Variants in SLC12A4 observed in about 807,000 individuals in gnomAD.
The protein encoded by SLC12A4 is solute carrier family 12 member 4, also known as electroneutral potassium-chloride cotransporter 1.
Under a neutral mutation model 119.2 loss-of-function variants are expected in SLC12A4, and 84 were observed. That is an observed-to-expected ratio of 0.70 (90% CI 0.59 to 0.85). The LOEUF (loss-of-function observed/expected upper bound fraction) is 0.85, where lower values mean the gene tolerates loss of function less well. Among genes scored for constraint, SLC12A4 ranks in the 40% least tolerant of loss-of-function variants. SLC12A4 has a pLI of 0.00. For missense variants in SLC12A4, 1,298 were observed against 1,476.3 expected (o/e 0.88, Z 1.98); for synonymous variants, 599 against 604.6 (o/e 0.99, Z 0.14).
At chr16:67,946,790 C>T (rs1166297458) in intron 17 of SLC12A4, 147 bp downstream of exon 17, 1 of 1,228,654 alleles carries the variant, frequency 8.1e-7, no homozygotes, top group Non-Finnish European at 1.1e-6. Flanking sequence ...GATGGGACTG[C>T]TGGCTCCCCC....
intron 2 of SLC12A4, 139 bp from the exon 3 acceptor site, chr16:67,961,845 C>A: frequency 8.9e-7 from 1 of 1,119,696 alleles, no homozygotes; most frequent in South Asian, 1.5e-5. Flanking sequence ...TGGGGAAGTC[C>A]AAGCCATCCA....
Position 67,951,500 on chromosome 16 carries a change from G to T in SLC12A4, c.1133-196C>A. The stretch of plus-strand genomic sequence containing the variant: ...GCCCAGCTAGAAGTCGACAGACAAA[G>T]GTGGCTGAACCACCGTCACCCAGAG... On this transcript the variant is annotated intron_variant, in intron 8 of 23. Transcript: ENST00000316341. The surrounding 1 kb of genome is among the most constrained non-coding windows in gnomAD (Gnocchi z 5.2). 1.5e-6 allele frequency: 1 copy of T among 671,398 alleles called. No individual in the cohort carries two copies. The highest frequency in any genetic ancestry group is 2.5e-6 in the Non-Finnish European group (1 of 403,714). 41.6% of individuals were successfully genotyped at this position (671,398 alleles called of 1,614,324 possible).
In SLC12A4 at chr16:67,946,958, G is replaced by T; in HGVS notation, c.2220C>A (p.Gly740=). The part of the protein sequence containing the change: ...VIQGSFLESY[G]EAQAAEQTIK... Reference sequence around the variant, plus strand: ...GTACCTGCTCGGCGGCCTGAGCCTCGCCATAGCTCTCCAAGAAGCTCCCCT... The same window carrying T: ...GTACCTGCTCGGCGGCCTGAGCCTCTCCATAGCTCTCCAAGAAGCTCCCCT... The change falls in exon 17 of 24, where the codon GGC becomes GGA. Residue 740 remains glycine, a synonymous_variant. Transcript: ENST00000316341. 6.2e-7 allele frequency: 1 copy of T among 1,613,094 alleles called. No individual in the cohort carries two copies. The highest frequency in any genetic ancestry group is 8.5e-7 in the Non-Finnish European group (1 of 1,179,984).
At chr16:67,963,632 TC>T (rs2151339298) in intron 1 of SLC12A4, 73 bp from the exon 2 acceptor site, 1 of 1,170,618 alleles carries the variant, frequency 8.5e-7, no homozygotes, top group Non-Finnish European at 1.2e-6. Flanking sequence ...AGAAAGCCAG[TC>T]CCCAAATCAT....
chr16:67,957,148 G>A (rs1240839437), intron 5 of SLC12A4, among the ~76,000 whole-genome samples: 1 of 149,858 alleles, frequency 6.7e-6, no homozygotes, highest in Admixed American at 6.7e-5. Flanking sequence ...AATTACAAGT[G>A]CCCACCACCA....
At position 67,968,554 on chromosome 16, in the gene SLC12A4, C is replaced by T; in HGVS notation, c.-1G>A. 4 of 1,542,818 alleles carry T rather than the reference C, an allele frequency of 2.6e-6. No individual in the cohort carries two copies. The highest frequency in any genetic ancestry group is 3.5e-6 in the Non-Finnish European group (4 of 1,151,834). ...CTGGCACCACGGTGAAGTGAGGCAT[C>T]GTGCGGGCTCGGCCCCGCCGCACCC... On this transcript the variant is annotated 5_prime_UTR_variant, in exon 1 of 24. Coordinates refer to ENST00000316341, the MANE Select transcript of SLC12A4 (RefSeq NM_005072.5).
intron 3 of SLC12A4, 111 bp from the exon 4 acceptor site, chr16:67,958,155 CAG>C (rs753064721): frequency 3.7e-5 from 41 of 1,102,462 alleles, no homozygotes; most frequent in South Asian, 1.6e-4. Context: ...CCAGGGAACA[CAG>C]AGAGTAGGGG....
rs933110424 is a variant in SLC12A4 at position 67,947,700 on chromosome 16, C to T, written c.1936G>A (p.Gly646Ser). The T allele has an allele frequency of 6.9e-6, 11 of 1,596,358 alleles. No individual in the cohort carries two copies. Among genetic ancestry groups the T allele is most frequent in the East Asian group, 2.3e-5 (1 of 44,178 alleles). The change falls in exon 15 of 24, where the codon GGC (glycine) becomes AGC (serine). Residue 646 changes from glycine to serine, a missense_variant. Physicochemically the swap from Gly to Ser is moderately conservative, Grantham distance 56 (BLOSUM62 0). Transcript: ENST00000316341. ...TACTCGATGTATTTGTAGATCATGC[C>T]GGCGATGAGCATGGCCACCAGGGCA... Reference protein sequence around the residue: ...YYALVAMLIAGMIYKYIEYQG... With the variant: ...YYALVAMLIASMIYKYIEYQG...
chr16:67,944,066 C>G lies in SLC12A4; in HGVS notation c.*774G>C. 1 of 1,548,136 alleles carries G rather than the reference C, an allele frequency of 6.5e-7. No individual in the cohort carries two copies. Among genetic ancestry groups the G allele is most frequent in the Non-Finnish European group, 8.7e-7 (1 of 1,146,364 alleles). ...GAGGGAGCAGCAGCCCCAGCAGCAG[C>G]GTCACCCACTGCCATGGGGAGCCGG... On this transcript the variant is annotated 3_prime_UTR_variant, in exon 24 of 24. Transcript: ENST00000316341. This position sits in a 1 kb window ranked among gnomAD's most constrained non-coding sequence, Gnocchi z 6.6.
chr16:67,958,636 A>G (rs1268058531), intron 3 of SLC12A4, among the ~76,000 whole-genome samples: 1 of 151,904 alleles, frequency 6.6e-6, no homozygotes, highest in East Asian at 1.9e-4. Flanking sequence ...CCCATGCTGA[A>G]AACCCTCTGT....
In SLC12A4 at chr16:67,946,331, C is replaced by A. The variant is rs778427270; in HGVS notation, c.2447G>T (p.Arg816Leu). ...RAWKTFIDTVRCTTAAHLALL... is the reference protein window; with the variant it reads ...RAWKTFIDTVLCTTAAHLALL... ...GGCCAGGTGGGCAGCCGTAGTGCAGCGCACGGTGTCTGGGGAGGAGGAGCA... is the reference window on the plus strand; with the variant it reads ...GGCCAGGTGGGCAGCCGTAGTGCAGAGCACGGTGTCTGGGGAGGAGGAGCA... The change falls in exon 19 of 24, where the codon CGC becomes CTC. Residue 816 changes from arginine to leucine, a missense_variant. By Grantham distance (102) the Arg-to-Leu change is moderately radical. Coordinates refer to ENST00000316341, the MANE Select transcript of SLC12A4 (RefSeq NM_005072.5). The A allele has an allele frequency of 8.7e-6, 14 of 1,609,592 alleles. No individual in the cohort carries two copies. Among genetic ancestry groups the A allele is most frequent in the Non-Finnish European group, 1.2e-5 (14 of 1,180,006 alleles).
At chr16:67,967,628 G>C (rs1229232006) in intron 1 of SLC12A4, among the ~76,000 whole-genome samples, 5 of 152,148 alleles carry the variant, frequency 3.3e-5, no homozygotes, top group African/African-American at 7.2e-5. Flanking sequence ...GGAGAGACGC[G>C]GGCACCTGGG....
At position 67,950,662 on chromosome 16, in the gene SLC12A4, G is replaced by C. The variant is rs755505689; in HGVS notation, c.1446C>G (p.Leu482=). ...GGGCCCAGCTCACTCACTTGTCCCG[G>C]AGAACCACACCCTCAATGCAGGCAC... ...LFGACIEGVV[L]RDKYGDGVSR... Residue 482 remains leucine, a synonymous_variant, in exon 11 of 24, where the codon CTC becomes CTG. Transcript: ENST00000316341. This position sits in a 1 kb window ranked among gnomAD's most constrained non-coding sequence, Gnocchi z 4.3. The C allele has an allele frequency of 1.9e-6, 3 of 1,612,280 alleles. No homozygotes were observed. The African/African-American group carries it at 4.0e-5, about 22-fold the overall frequency.
At chr16:67,968,242 G>A (rs1162260724) in intron 1 of SLC12A4, among the ~76,000 whole-genome samples, 197 bp downstream of exon 1, 1 of 152,052 alleles carries the variant, frequency 6.6e-6, no homozygotes, top group Non-Finnish European at 1.5e-5. Flanking sequence ...CCGGGCGCGG[G>A]CGCCGGGGGC....
At chr16:67,945,628 A>T in intron 21 of SLC12A4, 75 bp from the exon 22 acceptor site, 1 of 1,539,062 alleles carries the variant, frequency 6.5e-7, no homozygotes. Flanking sequence ...CAATGTGACC[A>T]CCTTGCCTCC....
intron 1 of SLC12A4, chr16:67,964,059 A>G (rs1257472486): frequency 6.5e-7 from 1 of 1,548,500 alleles, no homozygotes; most frequent in Admixed American, 2.0e-5. Flanking sequence ...CTACCCCACC[A>G]TGCACTGCGC....
In SLC12A4 at chr16:67,949,793, A is replaced by C; in HGVS notation, c.1748+7T>G. The C allele has an allele frequency of 6.3e-7, 1 of 1,598,198 alleles. No individual in the cohort carries two copies. Among genetic ancestry groups the C allele is most frequent in the Non-Finnish European group, 8.6e-7 (1 of 1,168,434 alleles). ...CCATCCCCCTGCCCTGCCCGGCCCCAGCTCACATGGATAAGATGGGGGCCA... is the reference window on the plus strand; with the variant it reads ...CCATCCCCCTGCCCTGCCCGGCCCCCGCTCACATGGATAAGATGGGGGCCA... On this transcript the variant is annotated splice_region_variant and intron_variant, in intron 13 of 23. Coordinates refer to ENST00000316341, the MANE Select transcript of SLC12A4 (RefSeq NM_005072.5). This position sits in a 1 kb window ranked among gnomAD's most constrained non-coding sequence, Gnocchi z 4.6.
chr16:67,945,606 G>A, intron 21 of SLC12A4, 53 bp from the exon 22 acceptor site: 1 of 1,572,180 alleles, frequency 6.4e-7, no homozygotes, highest in Non-Finnish European at 8.7e-7. Context: ...GGGGGATGGG[G>A]CCTGTCTGGC....
rs1441781337 is a variant in SLC12A4, at chr16:67,950,256, C to T, written c.1629+63G>A. 2 of 1,568,102 alleles carry T rather than the reference C, an allele frequency of 1.3e-6. No homozygotes were observed. The highest frequency in any genetic ancestry group is 2.2e-5 in the East Asian group (1 of 44,562). On this transcript the variant is annotated intron_variant, in intron 12 of 23. Transcript: ENST00000316341. This position sits in a 1 kb window ranked among gnomAD's most constrained non-coding sequence, Gnocchi z 4.3. Reference sequence around the variant, plus strand: ...CGTGCTGCATCTGTGTTCCCTATCTCTCTCCCCAGCCGGGCGAGGGCCTGG... The same window carrying T: ...CGTGCTGCATCTGTGTTCCCTATCTTTCTCCCCAGCCGGGCGAGGGCCTGG...
Sources: gnomAD v4.1 joint callset for allele counts (sites outside exome capture counted in the v4.1 genomes callset) on GRCh38, gnomAD v4.1.1 for gene constraint, Gnocchi (gnomAD v3.1) non-coding constraint, MANE v1.5 for transcripts, NCBI Gene and HGNC (gene_info 2026-07-23, HGNC 2026-07-21) for gene names.